The following DDX19A variants were observed in gnomAD, a reference collection of about 807,000 sequenced individuals.
DDX19A encodes DEAD-box helicase 19A, also known as ATP-dependent RNA helicase DDX19A.
In DDX19A, 12 loss-of-function variants were observed where a neutral mutation model predicts 60.6. The observed-to-expected ratio is 0.20, with a 90% CI of 0.13 to 0.32. The LOEUF is 0.32. DDX19A is among the 10% of genes least tolerant of loss of function. The pLI is 1.00. For synonymous variants in DDX19A, 206 were observed against 218.2 expected, an observed-to-expected ratio of 0.94 and a Z score of 0.49; for missense variants, 337 against 600.6, an observed-to-expected ratio of 0.56 and a Z score of 4.59.
At chr16:70,371,774 C>T (rs936217832) in intron 11 of DDX19A, 151 bp from the exon 12 acceptor site, 34 of 1,328,800 alleles carry the variant, frequency 2.6e-5, no homozygotes, top group Middle Eastern at 2.0e-4. Context: ...GGCTTCGGGG[C>T]GTGGGGCTCT....
chr16:70,349,723 A>C (rs1963956072), intron 1 of DDX19A, among the ~76,000 whole-genome samples: 1 of 152,228 alleles, frequency 6.6e-6, no homozygotes, highest in African/African-American at 2.4e-5. Flanking sequence ...TTAGCATCAG[A>C]TCTTCTCTGA....
chr16:70,355,575 C>G (rs1964161364), intron 3 of DDX19A, 40 bp downstream of exon 3: 2 of 1,570,842 alleles, frequency 1.3e-6, no homozygotes, highest in Non-Finnish European at 1.8e-6. Flanking sequence ...GACGGTATGA[C>G]CCAGGGCTTG....
chr16:70,350,317 T>A (rs1963972601), intron 1 of DDX19A, among the ~76,000 whole-genome samples: 1 of 152,136 alleles, frequency 6.6e-6, no homozygotes, highest in Non-Finnish European at 1.5e-5. Context: ...TTTCTGAAAC[T>A]TTCCCCCCAA....
In DDX19A at chr16:70,367,876, C is replaced by CAA. The variant is rs1205996596; in HGVS notation, c.1020+1029_1020+1030dup. Among the ~76,000 whole-genome samples the CAA allele has an allele frequency of 6.0e-3, 579 of 97,308 alleles. 5 individuals carry two copies. Among genetic ancestry groups the CAA allele is most frequent in the African/African-American group, 0.02 (516 of 26,248 alleles). 63.8% of individuals were successfully genotyped at this position (97,308 alleles called of 152,430 possible). A position where few individuals can be genotyped will look rare whatever the true frequency, so the allele number is the denominator to read the frequency against. ...TGGGTGAGAGAGCGAGACTCCGTCT[C>CAA]AAAAAAAAAAAAAAAGAGGCCAGGC... On this transcript the variant is annotated intron_variant, in intron 9 of 11. Coordinates refer to ENST00000302243, the MANE Select transcript of DDX19A (RefSeq NM_018332.5).
intron 5 of DDX19A, among the ~76,000 whole-genome samples, chr16:70,362,294 C>T (rs1964385889): frequency 1.4e-5 from 2 of 140,852 alleles, no homozygotes; most frequent in African/African-American, 2.7e-5. Flanking sequence ...TGCAGTGAGC[C>T]GAGACATGCC....
intron 9 of DDX19A, among the ~76,000 whole-genome samples, chr16:70,367,427 A>T (rs1401277906): frequency 6.8e-6 from 1 of 146,572 alleles, no homozygotes; most frequent in Non-Finnish European, 1.5e-5. Flanking sequence ...ACTCCGTCTC[A>T]AAAAAAAAAA....
In DDX19A at chr16:70,365,958, C is replaced by T; in HGVS notation, c.605-127C>T. 4.3e-6 allele frequency: 6 copies of T among 1,404,424 alleles called. No homozygotes were observed. In the East Asian group the frequency reaches 1.2e-4, roughly 28 times the overall value. 87.0% of individuals were successfully genotyped at this position (1,404,424 alleles called of 1,614,324 possible). On this transcript the variant is annotated intron_variant, in intron 7 of 11. Coordinates refer to ENST00000302243, the MANE Select transcript of DDX19A (RefSeq NM_018332.5). ...CAGAAGAGACCAAGACTGAGGGGAACACTCATGTGTGTTTTGAAATCTGGA... is the reference window on the plus strand; with the variant it reads ...CAGAAGAGACCAAGACTGAGGGGAATACTCATGTGTGTTTTGAAATCTGGA...
chr16:70,347,846 A>G, intron 1 of DDX19A: 1 of 274,846 alleles, frequency 3.6e-6, no homozygotes. Context: ...ATGCGCCACC[A>G]CGCCCGGCTA....
rs976839409 is a variant in DDX19A at position 70,361,571 on chromosome 16, C to T, written c.386+61C>T. On this transcript the variant is annotated intron_variant, in intron 5 of 11. Transcript: ENST00000302243. ...GATTAGATCAATCTTCCCCAAACTG[C>T]GTTTTTGTGCCTGAGAACAGAAGGA... is the stretch of plus-strand genomic sequence containing the variant. 1.6e-5 allele frequency: 22 copies of T among 1,389,398 alleles called. No homozygotes were observed. The African/African-American group carries it at 1.7e-4, about 11-fold the overall frequency. 86.1% of individuals were successfully genotyped at this position (1,389,398 alleles called of 1,614,324 possible). A position where few individuals can be genotyped will look rare whatever the true frequency, so the allele number is the denominator to read the frequency against.
chr16:70,371,112 G>A, intron 10 of DDX19A: 2 of 612,394 alleles, frequency 3.3e-6, no homozygotes, highest in East Asian at 2.9e-5. Context: ...TCTTCCAGGG[G>A]CGCCCATCTC....
At chr16:70,360,719 C>A (rs1219354107) in intron 4 of DDX19A, 1 of 152,192 alleles carries the variant, frequency 6.6e-6, no homozygotes, top group African/African-American at 2.4e-5. Flanking sequence ...AACAAAAGGA[C>A]TTCTAAATCT....
Position 70,349,196 on chromosome 16 carries a change from A to G in DDX19A, c.58-1361A>G, listed in dbSNP as rs186548813. ...CCAGAGGAAACCAGGCAAACTTCCA[A>G]GTTATCTCCCAATGGAGTCCACAGA... On this transcript the variant is annotated intron_variant, in intron 1 of 11. Transcript: ENST00000302243. Among the ~76,000 whole-genome samples, 13 of 152,306 alleles carry G rather than the reference A, an allele frequency of 8.5e-5. No homozygotes were observed. The East Asian group carries it at 1.9e-3, about 23-fold the overall frequency.
Position 70,364,821 on chromosome 16 carries a change from G to T in DDX19A, c.489+176G>T, listed in dbSNP as rs530893771. ...AATGTGCTTGAAAGCAGCAGCCTTA[G>T]ACCATGGCTTGCAAAGGCCTCTGCC... On this transcript the variant is annotated intron_variant, in intron 6 of 11. Coordinates refer to ENST00000302243, the MANE Select transcript of DDX19A (RefSeq NM_018332.5). The T allele has an allele frequency of 1.6e-5, 11 of 672,992 alleles. No homozygotes were observed. In the South Asian group the frequency reaches 1.8e-4, roughly 11 times the overall value. 41.7% of individuals were successfully genotyped at this position (672,992 alleles called of 1,614,324 possible).
At chr16:70,352,130 C>T (rs1419543902) in intron 2 of DDX19A, among the ~76,000 whole-genome samples, 1 of 152,110 alleles carries the variant, frequency 6.6e-6, no homozygotes, top group Admixed American at 6.6e-5. Flanking sequence ...TAATATTCTT[C>T]CAAAGACTTT....
intron 4 of DDX19A, among the ~76,000 whole-genome samples, chr16:70,359,653 C>T (rs1964312533): frequency 6.6e-6 from 1 of 151,950 alleles, no homozygotes; most frequent in Non-Finnish European, 1.5e-5. Flanking sequence ...CTCAGAAGTT[C>T]ATGACCAGCC....
At position 70,370,403 on chromosome 16, in the gene DDX19A, C is replaced by G; in HGVS notation, c.1183+18C>G. On this transcript the variant is annotated intron_variant, in intron 10 of 11. Transcript: ENST00000302243. ...TGCCCGCGGTGAGCAGAGGACGTGT[C>G]CCACCTGGTCTGCCAGGCTCGGGGT... is the stretch of plus-strand genomic sequence containing the variant. 6.2e-7 allele frequency: 1 copy of G among 1,602,664 alleles called. No individual in the cohort carries two copies. The highest frequency in any genetic ancestry group is 8.5e-7 in the Non-Finnish European group (1 of 1,174,720).
chr16:70,356,075 A>C, intron 3 of DDX19A, 37 bp from the exon 4 acceptor site: 1 of 1,611,676 alleles, frequency 6.2e-7, no homozygotes, highest in South Asian at 1.1e-5. Flanking sequence ...GGGGTTTGCC[A>C]GATGAGTATG....
At chr16:70,370,485 G>A (rs1964651952) in intron 10 of DDX19A, 100 bp downstream of exon 10, 1 of 1,477,824 alleles carries the variant, frequency 6.8e-7, no homozygotes, top group Non-Finnish European at 9.0e-7. Flanking sequence ...ATGGTCTCAG[G>A]GAGATGGGTG....
At chr16:70,365,374 C>T (rs560978330) in intron 7 of DDX19A, 13 of 310,262 alleles carry the variant, frequency 4.2e-5, no homozygotes, top group African/African-American at 2.8e-4. Flanking sequence ...TTCTTAATAT[C>T]TAGAGTTCTT....
Sources: gnomAD v4.1 joint callset for allele counts (sites outside exome capture counted in the v4.1 genomes callset) on GRCh38, gnomAD v4.1.1 for gene constraint, MANE v1.5 for transcripts, NCBI Gene and HGNC (gene_info 2026-07-23, HGNC 2026-07-21) for gene names.